AMPD1: variants seen among roughly 807,000 people sequenced by gnomAD.
The protein encoded by AMPD1 is adenosine monophosphate deaminase 1.
AMPD1 carries 74 observed loss-of-function variants against 82.9 expected under a neutral mutation model. That is an observed-to-expected ratio of 0.89 (90% CI 0.74 to 1.08). AMPD1 has a LOEUF of 1.08. AMPD1 is among the 50% of genes least tolerant of loss of function. The pLI is 0.00. For synonymous variants in AMPD1, 333 were observed against 320.5 expected (o/e 1.04, Z -0.42); for missense variants, 881 against 924.5 (o/e 0.95, Z 0.61).
rs1658387643 is a variant in AMPD1, at chr1:114,688,563, C to G, written c.213G>C (p.Arg71Ser). The G allele has an allele frequency of 6.2e-7, 1 of 1,614,050 alleles. No homozygotes were observed. The highest frequency in any genetic ancestry group is 1.7e-5 in the Admixed American group (1 of 59,994). Residue 71 changes from arginine to serine, a missense_variant and splice_region_variant, in exon 3 of 16, where the codon AGG (arginine) becomes AGC (serine). Coordinates refer to ENST00000520113, the MANE Select transcript of AMPD1 (RefSeq NM_000036.3). ...LETLSTSTEA[R>S]RKKRFQGRKT... ...AGCACTCCCCTTACACCACTTACCT[C>G]CTGGCTTCTGTGGAGGTGGACAGAG... is the stretch of plus-strand genomic sequence containing the variant.
At chr1:114,693,998 G>A (rs866006332) in intron 1 of AMPD1, among the ~76,000 whole-genome samples, 44 of 152,086 alleles carry the variant, frequency 2.9e-4, no homozygotes, top group African/African-American at 9.2e-4. Flanking sequence ...TCAGGAGATC[G>A]AGACCATCCT....
Position 114,686,829 on chromosome 1 carries a change from A to G in AMPD1, c.297T>C (p.Ile99=). The part of the protein sequence containing the change: ...SETSSTKLSH[I]DEYISSSPTY... ...TTGGAGATGAGGAAATGTATTCATCAATGTGGGACAGTTTGGTGGAAGATG... is the reference window on the plus strand; with the variant it reads ...TTGGAGATGAGGAAATGTATTCATCGATGTGGGACAGTTTGGTGGAAGATG... Residue 99 remains isoleucine, a synonymous_variant, in exon 4 of 16, where the codon ATT becomes ATC. Transcript: ENST00000520113. The G allele has an allele frequency of 6.2e-7, 1 of 1,614,156 alleles. No individual in the cohort carries two copies. Among genetic ancestry groups the G allele is most frequent in the South Asian group, 1.1e-5 (1 of 91,088 alleles).
chr1:114,674,954 C>T (rs558337311), intron 12 of AMPD1, 82 bp from the exon 13 acceptor site: 1 of 1,562,490 alleles, frequency 6.4e-7, no homozygotes, highest in East Asian at 2.2e-5. Flanking sequence ...AAAGTGAACA[C>T]TCTGGAAGGA....
In AMPD1 at chr1:114,680,457, T is replaced by A. The variant is rs751009678; in HGVS notation, c.569A>T (p.Lys190Met). 2 of 1,614,044 alleles carry A rather than the reference T, an allele frequency of 1.2e-6. No homozygotes were observed. The highest frequency in any genetic ancestry group is 1.7e-5 in the Admixed American group (1 of 60,004). The change falls in exon 6 of 16, where the codon AAG (lysine) becomes ATG (methionine). Residue 190 changes from lysine (K) to methionine (M), a missense_variant. By Grantham distance (95) the Lys-to-Met change is moderately conservative. This residue lies in a region of AMPD1 where 783 missense variants were observed against 786.4 expected (regional missense o/e 1.00). Transcript: ENST00000520113. ...GTCTGTTCGGAAGGGGTCCTCTCCC[T>A]TCTTCACAGGAGGAGTAAAGACTTT... ...FYPVFTPPVK[K>M]GEDPFRTDNL...
intron 2 of AMPD1, among the ~76,000 whole-genome samples, chr1:114,690,273 C>G (rs1570854236): frequency 6.6e-6 from 1 of 152,264 alleles, no homozygotes; most frequent in East Asian, 1.9e-4. Context: ...TGTTGTGACA[C>G]TAAGTGAGAT....
intron 2 of AMPD1, among the ~76,000 whole-genome samples, chr1:114,689,769 A>G (rs1000737090): frequency 6.6e-6 from 1 of 152,154 alleles, no homozygotes; most frequent in African/African-American, 2.4e-5. Flanking sequence ...GTGAGTTGAG[A>G]CTGCACCACT....
chr1:114,673,381 G>GAAC, intron 15 of AMPD1, 109 bp from the exon 16 acceptor site: 1 of 1,256,298 alleles, frequency 8.0e-7, no homozygotes, highest in East Asian at 2.4e-5. Context: ...ACTGACAAAA[G>GAAC]AATAATAATA....
chr1:114,690,553 C>T (rs1350717304), intron 2 of AMPD1, among the ~76,000 whole-genome samples: 1 of 152,136 alleles, frequency 6.6e-6, no homozygotes, highest in Non-Finnish European at 1.5e-5. Flanking sequence ...ACTATGTTGG[C>T]CAAACTTCAT....
At position 114,675,598 on chromosome 1, in the gene AMPD1, C is replaced by A. The variant is rs1354451905; in HGVS notation, c.1611G>T (p.Lys537Asn). Reference sequence around the variant, plus strand: ...AGGCATAGTAAGTGTAAGATGGATTCTTTTCCAATGTCCACTCCTGGGGCT... The same window carrying A: ...AGGCATAGTAAGTGTAAGATGGATTATTTTCCAATGTCCACTCCTGGGGCT... ...SPKPQEWTLEKNPSYTYYAYY... is the reference protein window; with the variant it reads ...SPKPQEWTLENNPSYTYYAYY... The change falls in exon 12 of 16, where the codon AAG becomes AAT. Residue 537 changes from lysine (K) to asparagine (N), a missense_variant. Around this residue, in one of 2 missense-constraint regions of AMPD1, gnomAD observed 783 missense variants for 786.4 expected, o/e 1.00. Transcript: ENST00000520113. 2 of 1,614,176 alleles carry A rather than the reference C, an allele frequency of 1.2e-6. No homozygotes were observed. Among genetic ancestry groups the A allele is most frequent in the South Asian group, 2.2e-5 (2 of 91,082 alleles).
At chr1:114,676,595 A>T (rs1420993923) in intron 10 of AMPD1, among the ~76,000 whole-genome samples, 1 of 152,240 alleles carries the variant, frequency 6.6e-6, no homozygotes, top group Non-Finnish European at 1.5e-5. Context: ...AAGTATTGCC[A>T]GGATTCAAGT....
intron 4 of AMPD1, among the ~76,000 whole-genome samples, chr1:114,686,487 G>A (rs897884561): frequency 2.0e-5 from 3 of 152,070 alleles, no homozygotes; most frequent in African/African-American, 7.2e-5. Flanking sequence ...ATTGTATTCT[G>A]TAACATACAC....
intron 15 of AMPD1, 148 bp from the exon 16 acceptor site, chr1:114,673,420 C>T (rs1657889331): frequency 9.8e-7 from 1 of 1,024,550 alleles, no homozygotes; most frequent in Non-Finnish European, 1.5e-6. Flanking sequence ...CCATCTAGTG[C>T]CTCAGTGTTC....
intron 5 of AMPD1, among the ~76,000 whole-genome samples, chr1:114,681,147 A>G (rs1007902425): frequency 6.6e-6 from 1 of 152,222 alleles, no homozygotes; most frequent in Non-Finnish European, 1.5e-5. Context: ...AGATAATAAC[A>G]TAAGAATAAA....
At position 114,688,706 on chromosome 1, in the gene AMPD1, C is replaced by G; in HGVS notation, c.70G>C (p.Val24Leu). The G allele has an allele frequency of 6.2e-7, 1 of 1,614,176 alleles. No homozygotes were observed. The highest frequency in any genetic ancestry group is 1.1e-5 in the South Asian group (1 of 91,080). ...DDAMRNFAEK[V>L]FASEVKDEGG... ...TCATCTTTGACTTCAGAGGCAAACA[C>G]TTTTTCAGCAAAGTTGCGCATTGCA... Residue 24 changes from valine to leucine, a missense_variant, in exon 3 of 16, where the codon GTG (valine) becomes CTG (leucine). Coordinates refer to ENST00000520113, the MANE Select transcript of AMPD1 (RefSeq NM_000036.3).
At chr1:114,691,554 T>A (rs1170153798) in intron 2 of AMPD1, among the ~76,000 whole-genome samples, 2 of 143,856 alleles carry the variant, frequency 1.4e-5, no homozygotes, top group Non-Finnish European at 3.1e-5. Context: ...GGCGACAGAG[T>A]ACAAACAAAC....
intron 10 of AMPD1, 182 bp from the exon 11 acceptor site, chr1:114,676,185 C>A: frequency 1.4e-6 from 1 of 705,726 alleles, no homozygotes; most frequent in Admixed American, 3.0e-5. Flanking sequence ...GTTTGGGCAG[C>A]ACATAGGAAA....
At chr1:114,676,056 T>C in intron 10 of AMPD1, 53 bp from the exon 11 acceptor site, 1 of 1,592,462 alleles carries the variant, frequency 6.3e-7, no homozygotes, top group South Asian at 1.1e-5. Flanking sequence ...TTAGGACTGA[T>C]AGCCCCAGTA....
intron 4 of AMPD1, 37 bp downstream of exon 4, chr1:114,686,708 C>T (rs1434576543): frequency 1.2e-6 from 2 of 1,611,040 alleles, no homozygotes; most frequent in Non-Finnish European, 1.7e-6. Flanking sequence ...TGAATGGCTT[C>T]CTGGTTGCTA....
At position 114,691,773 on chromosome 1, in the gene AMPD1, A is replaced by T. The variant is rs1477338771; in HGVS notation, c.34+1663T>A. Among the ~76,000 whole-genome samples, 8 of 151,952 alleles carry T rather than the reference A, an allele frequency of 5.3e-5. No homozygotes were observed. In the East Asian group the frequency reaches 1.6e-3, roughly 30 times the overall value. The stretch of plus-strand genomic sequence containing the variant: ...AAACCACGTCTCTACTAAAAATACC[A>T]AATTAGCTGGGTGTGGTGGCACGTG... On this transcript the variant is annotated intron_variant, in intron 2 of 15. Coordinates refer to ENST00000520113, the MANE Select transcript of AMPD1 (RefSeq NM_000036.3).
Sources: allele counts gnomAD v4.1 joint callset (sites outside exome capture counted in the v4.1 genomes callset), GRCh38; gene constraint gnomAD v4.1.1; regional missense constraint gnomAD v4.1.1; transcripts MANE v1.5; gene names NCBI Gene and HGNC (gene_info 2026-07-23, HGNC 2026-07-21).